Variants in RASSF8 observed in about 807,000 individuals in gnomAD.
RASSF8 encodes the protein ras association domain-containing protein 8.
In RASSF8, 22 loss-of-function variants were observed where a neutral mutation model predicts 48.5. That is an observed-to-expected ratio of 0.45 (90% CI 0.32 to 0.65). The LOEUF is 0.65. Ranked by LOEUF, RASSF8 falls within the 30% of genes least tolerant of loss-of-function variation. RASSF8 has a pLI of 0.03. For synonymous variants in RASSF8, 127 were observed against 171.5 expected (o/e 0.74, Z 2.03); for missense variants, 418 against 489.2 (o/e 0.85, Z 1.37).
At chr12:26,002,544 G>A (rs1942286088) in intron 2 of RASSF8, among the ~76,000 whole-genome samples, 2 of 152,162 alleles carry the variant, frequency 1.3e-5, no homozygotes, top group Admixed American at 1.3e-4. Flanking sequence ...GGGAGGCCAA[G>A]GCGGGCAGAT....
At chr12:26,040,097 G>T (rs1233727833) in intron 2 of RASSF8, among the ~76,000 whole-genome samples, 2 of 152,146 alleles carry the variant, frequency 1.3e-5, no homozygotes, top group African/African-American at 4.8e-5. Context: ...CACTTAAACT[G>T]TGGTTCTTTT....
At chr12:26,051,403 G>T (rs1207127684) in intron 2 of RASSF8, among the ~76,000 whole-genome samples, 1 of 152,120 alleles carries the variant, frequency 6.6e-6, no homozygotes, top group Non-Finnish European at 1.5e-5. Context: ...GAATATTCCT[G>T]TTAGTTTTTG....
chr12:25,972,836 G>C (rs1592219230), intron 1 of RASSF8, among the ~76,000 whole-genome samples: 1 of 152,306 alleles, frequency 6.6e-6, no homozygotes, highest in East Asian at 1.9e-4. Flanking sequence ...CAAGTGCACA[G>C]ATCGAGAATA....
chr12:26,075,168 G>C (rs1349986090), downstream of RASSF8, among the ~76,000 whole-genome samples: 2 of 152,032 alleles, frequency 1.3e-5, no homozygotes, highest in Non-Finnish European at 2.9e-5. Flanking sequence ...ACAAGTTATA[G>C]ATATTCTAAG....
intron 2 of RASSF8, among the ~76,000 whole-genome samples, chr12:25,996,732 T>C (rs1302348787): frequency 2.0e-5 from 3 of 152,216 alleles, no homozygotes; most frequent in African/African-American, 7.2e-5. Flanking sequence ...TGAAGTGTTA[T>C]TTAAAAAGGT....
At position 25,998,674 on chromosome 12, in the gene RASSF8, C is replaced by T. The variant is rs533108703; in HGVS notation, c.-109+3544C>T. 1.5e-3 allele frequency among the ~76,000 whole-genome samples: 221 copies of T among 152,266 alleles called. 8 individuals carry two copies. In the South Asian group the frequency reaches 0.043, roughly 30 times the overall value. ...AAAGCTTTTCTTAAGGTTTGATTCT[C>T]TCTTGCCTTCTGCAAGATATTGAAT... On this transcript the variant is annotated intron_variant, in intron 2 of 5. Coordinates refer to ENST00000689635, the MANE Select transcript of RASSF8 (RefSeq NM_001394098.1).
At chr12:26,068,382 A>G (rs1304411250) in intron 5 of RASSF8, among the ~76,000 whole-genome samples, 1 of 152,162 alleles carries the variant, frequency 6.6e-6, no homozygotes, top group African/African-American at 2.4e-5. Context: ...TTCTTCTAAA[A>G]GTTATTATTA....
chr12:26,015,458 C>T (rs1037110009), intron 2 of RASSF8, among the ~76,000 whole-genome samples: 1 of 152,072 alleles, frequency 6.6e-6, no homozygotes, highest in Non-Finnish European at 1.5e-5. Flanking sequence ...GACACAGAGC[C>T]GAGAAATAGA....
intron 2 of RASSF8, among the ~76,000 whole-genome samples, chr12:26,025,454 C>T (rs947853858): frequency 4.0e-5 from 6 of 151,130 alleles, no homozygotes; most frequent in Admixed American, 1.3e-4. Context: ...GTACTCGGGA[C>T]GGCAGGCTGA....
rs1278693840 is a variant in RASSF8 at position 26,069,702 on chromosome 12, C to G, written c.*884C>G. On this transcript the variant is annotated 3_prime_UTR_variant, in exon 6 of 6. Coordinates refer to ENST00000689635, the MANE Select transcript of RASSF8 (RefSeq NM_001394098.1). ...CATGGAAGTTATAGATACCTGAAAG[C>G]TGGGTTGGTCTACTTCAGGAACATT... The G allele has an allele frequency of 9.0e-5, 89 of 985,250 alleles. No homozygotes were observed. The highest frequency in any genetic ancestry group is 1.0e-4 in the Non-Finnish European group (83 of 829,908). 61.0% of individuals were successfully genotyped at this position (985,250 alleles called of 1,614,324 possible).
At chr12:25,999,236 T>A (rs765862397) in intron 2 of RASSF8, among the ~76,000 whole-genome samples, 3 of 152,214 alleles carry the variant, frequency 2.0e-5, no homozygotes, top group Non-Finnish European at 2.9e-5. Context: ...CAAATTAGTT[T>A]CCTGATTCAC....
At chr12:25,978,902 A>G (rs1592226125) in intron 1 of RASSF8, among the ~76,000 whole-genome samples, 1 of 152,048 alleles carries the variant, frequency 6.6e-6, no homozygotes, top group Admixed American at 6.6e-5. Flanking sequence ...CTTGCCCACT[A>G]TTGGATGTTA....
At position 25,958,964 on chromosome 12, in the gene RASSF8, A is replaced by C. The variant is rs1941152982; in HGVS notation, c.-387A>C. The C allele has an allele frequency of 6.8e-6, 1 of 146,420 alleles. No homozygotes were observed. The highest frequency in any genetic ancestry group is 2.5e-5 in the African/African-American group (1 of 40,778). 9.1% of individuals were successfully genotyped at this position (146,420 alleles called of 1,614,324 possible). ...GGGCCGGGAGGTGCGCGGAGAGGGA[A>C]CGCCGGGGGGCCGGGGCCTCCAGCC... On this transcript the variant is annotated 5_prime_UTR_variant, in exon 1 of 6. Coordinates refer to ENST00000689635, the MANE Select transcript of RASSF8 (RefSeq NM_001394098.1).
At chr12:26,060,444 ATAAC>A (rs1370517885) in intron 3 of RASSF8, among the ~76,000 whole-genome samples, 8 of 152,236 alleles carry the variant, frequency 5.3e-5, no homozygotes, top group Non-Finnish European at 8.8e-5. Flanking sequence ...TAGTAAAAAA[ATAAC>A]TAAATGTCAT....
chr12:26,033,761 A>C lies in RASSF8; in HGVS notation c.-108-21475A>C, dbSNP rs369485940. 2.0e-5 allele frequency among the ~76,000 whole-genome samples: 3 copies of C among 152,026 alleles called. No individual in the cohort carries two copies. In the East Asian group the frequency reaches 5.8e-4, roughly 29 times the overall value. Reference sequence around the variant, plus strand: ...TATGCACATCTGCCTTGTCCCTGTCAAGTTTGCCACCTTCCAGATAAAGGT... The same window carrying C: ...TATGCACATCTGCCTTGTCCCTGTCCAGTTTGCCACCTTCCAGATAAAGGT... On this transcript the variant is annotated intron_variant, in intron 2 of 5. Coordinates refer to ENST00000689635, the MANE Select transcript of RASSF8 (RefSeq NM_001394098.1).
At chr12:26,052,002 G>A (rs1038780661) in intron 2 of RASSF8, among the ~76,000 whole-genome samples, 3 of 152,172 alleles carry the variant, frequency 2.0e-5, no homozygotes, top group Admixed American at 2.0e-4. Context: ...AAAAAACATG[G>A]CACCAAGTAG....
At chr12:26,026,711 T>C (rs1942921862) in intron 2 of RASSF8, among the ~76,000 whole-genome samples, 1 of 152,126 alleles carries the variant, frequency 6.6e-6, no homozygotes, top group Non-Finnish European at 1.5e-5. Flanking sequence ...GCTGGGATTA[T>C]AGGCGTAATA....
At chr12:26,034,181 G>A (rs772506712) in intron 2 of RASSF8, among the ~76,000 whole-genome samples, 6 of 152,066 alleles carry the variant, frequency 3.9e-5, no homozygotes, top group Non-Finnish European at 7.4e-5. Context: ...TAAGCACGTG[G>A]CACACTGTTC....
rs142384931 is a variant in RASSF8 at position 26,064,996 on chromosome 12, A to G, written c.602A>G (p.Asn201Ser). 22 of 1,613,122 alleles carry G rather than the reference A, an allele frequency of 1.4e-5. No individual in the cohort carries two copies. Among genetic ancestry groups the G allele is most frequent in the South Asian group, 4.4e-5 (4 of 90,758 alleles). ...IRFWEQKYNS[N>S]LEEEIVRLEQ... is the part of the protein sequence containing the mutation. ...TTTTGGGAGCAAAAGTATAATTCCA[A>G]CCTTGAAGAGGAAATTGTCCGTCTA... is the stretch of plus-strand genomic sequence containing the variant. Residue 201 changes from asparagine to serine, a missense_variant, in exon 4 of 6, where the codon AAC (asparagine) becomes AGC (serine). Coordinates refer to ENST00000689635, the MANE Select transcript of RASSF8 (RefSeq NM_001394098.1).
Sources: allele counts gnomAD v4.1 joint callset (sites outside exome capture counted in the v4.1 genomes callset), GRCh38; gene constraint gnomAD v4.1.1; transcripts MANE v1.5; gene names NCBI Gene and HGNC (gene_info 2026-07-23, HGNC 2026-07-21).